Variants in GOLGA3 observed in about 807,000 individuals in gnomAD.
The protein encoded by GOLGA3 is golgin A3.
GOLGA3 carries 75 observed loss-of-function variants against 169.4 expected under a neutral mutation model. That is an observed-to-expected ratio of 0.44 (90% confidence interval 0.37 to 0.54). The LOEUF is 0.54. Among genes scored for constraint, GOLGA3 ranks in the 20% least tolerant of loss-of-function variants. GOLGA3 has a pLI of 0.00. For missense variants in GOLGA3, 1,899 were observed against 1,930.0 expected (o/e 0.98, Z 0.30); for synonymous variants, 824 against 822.4 (o/e 1.00, Z -0.03).
intron 3 of GOLGA3, among the ~76,000 whole-genome samples, chr12:132,814,365 G>A (rs1949862914): frequency 6.6e-6 from 1 of 152,200 alleles, no homozygotes; most frequent in African/African-American, 2.4e-5. Context: ...GTTCAAAGCT[G>A]GAGCCGTGCC....
At chr12:132,774,798 G>A (rs1369038244) in intron 22 of GOLGA3, 21 of 467,878 alleles carry the variant, frequency 4.5e-5, no homozygotes, top group African/African-American at 1.0e-4. Context: ...GATGTGGACC[G>A]AGCACAGAAA....
chr12:132,772,991 G>A lies in GOLGA3; in HGVS notation c.*114C>T. The A allele has an allele frequency of 1.3e-6, 1 of 777,918 alleles. No individual in the cohort carries two copies. Among genetic ancestry groups the A allele is most frequent in the Non-Finnish European group, 2.0e-6 (1 of 501,076 alleles). The allele number at this position is 777,918 out of a possible 1,614,324, so 48.2% of individuals were successfully genotyped here. ...GCTATATATTTTACTTCTTGTTAAAGGCAAAACAAAACTTAAATTTCATGT... is the reference window on the plus strand; with the variant it reads ...GCTATATATTTTACTTCTTGTTAAAAGCAAAACAAAACTTAAATTTCATGT... On this transcript the variant is annotated 3_prime_UTR_variant, in exon 24 of 24. Coordinates refer to ENST00000450791, the MANE Select transcript of GOLGA3 (RefSeq NM_001389683.1).
chr12:132,819,611 A>G (rs2136749667), intron 2 of GOLGA3, among the ~76,000 whole-genome samples: 1 of 152,384 alleles, frequency 6.6e-6, no homozygotes, highest in South Asian at 2.1e-4. Context: ...CCGAAAGAAA[A>G]ACCAGAATAA....
intron 17 of GOLGA3, among the ~76,000 whole-genome samples, chr12:132,782,078 CCT>C (rs1026114980): frequency 6.6e-5 from 10 of 152,200 alleles, no homozygotes; most frequent in Admixed American, 1.3e-4. Flanking sequence ...CACCCAGACC[CCT>C]GAGCCTGTTC....
At chr12:132,791,913 GAA>G (rs1438596357) in intron 11 of GOLGA3, among the ~76,000 whole-genome samples, 2 of 136,216 alleles carry the variant, frequency 1.5e-5, no homozygotes, top group East Asian at 2.1e-4. Flanking sequence ...AGGGCTCCAG[GAA>G]AGGACACATC....
Position 132,804,041 on chromosome 12 carries a change from C to A in GOLGA3, c.1597+675G>T, listed in dbSNP as rs1022337957. On this transcript the variant is annotated intron_variant, in intron 7 of 23. Transcript: ENST00000450791. The surrounding 1 kb of genome is among the most constrained non-coding windows in gnomAD (Gnocchi z 4.1). ...GTGTGAGCTCTGGGACTGGCCCGGG[C>A]GGGGACTGAGGGGGTGGAAGGCGTG... is the stretch of plus-strand genomic sequence containing the variant. Among the ~76,000 whole-genome samples, 1 of 152,152 alleles carries A rather than the reference C, an allele frequency of 6.6e-6. No homozygotes were observed. The highest frequency in any genetic ancestry group is 1.5e-5 in the Non-Finnish European group (1 of 68,036).
At chr12:132,775,876 A>T (rs1397831435) in intron 21 of GOLGA3, among the ~76,000 whole-genome samples, 1 of 152,240 alleles carries the variant, frequency 6.6e-6, no homozygotes, top group East Asian at 1.9e-4. Context: ...GTTTATCGCA[A>T]ATTGGCAAAC....
rs543210415 is a variant in GOLGA3, at chr12:132,796,024, T to A, written c.2297A>T (p.Asp766Val). The A allele has an allele frequency of 1.2e-5, 19 of 1,612,972 alleles. No individual in the cohort carries two copies. In the South Asian group the frequency reaches 2.1e-4, roughly 18 times the overall value. The stretch of plus-strand genomic sequence containing the variant: ...CTCGTTCTGCAGGAGGCAGATCGTG[T>A]CCTCCCTGGAGGCGGCCTCGCCCTG... The part of the protein sequence containing the change: ...ELQGEAASRE[D>V]TICLLQNEKI... The change falls in exon 11 of 24, where the codon GAC (aspartate) becomes GTC (valine). Residue 766 changes from aspartate to valine, a missense_variant. By Grantham distance (152) the Asp-to-Val change is radical (BLOSUM62 -3). Transcript: ENST00000450791.
chr12:132,789,260 T>C lies in GOLGA3; in HGVS notation c.2578A>G (p.Thr860Ala), dbSNP rs899420523. Reference protein sequence around the residue: ...VMVEAYRRDATSKDQLISELK... With the variant: ...VMVEAYRRDAASKDQLISELK... ...TCACTGATGAGCTGGTCTTTGGAGG[T>C]GGCGTCGCGCCGGTAGGCCTCCACC... Residue 860 changes from threonine to alanine, a missense_variant, in exon 13 of 24, where the codon ACC becomes GCC. Coordinates refer to ENST00000450791, the MANE Select transcript of GOLGA3 (RefSeq NM_001389683.1). 6.2e-7 allele frequency: 1 copy of C among 1,603,354 alleles called. No individual in the cohort carries two copies. The highest frequency in any genetic ancestry group is 8.5e-7 in the Non-Finnish European group (1 of 1,178,890).
chr12:132,804,101 G>A lies in GOLGA3; in HGVS notation c.1597+615C>T, dbSNP rs1225490206. ...CACATGGAAGCCCGCCGCGGCTTCC[G>A]CAATCCACTGCCCTACTTGTACTCT... On this transcript the variant is annotated intron_variant, in intron 7 of 23. Transcript: ENST00000450791. This position sits in a 1 kb window ranked among gnomAD's most constrained non-coding sequence, Gnocchi z 4.1. Among the ~76,000 whole-genome samples, 3 of 152,164 alleles carry A rather than the reference G, an allele frequency of 2.0e-5. No homozygotes were observed. The highest frequency in any genetic ancestry group is 7.2e-5 in the African/African-American group (3 of 41,446).
At chr12:132,807,372 C>T (rs1297288982) in intron 5 of GOLGA3, 84 bp from the exon 6 acceptor site, 6 of 696,550 alleles carry the variant, frequency 8.6e-6, no homozygotes. Context: ...ATTCCACACA[C>T]CCCTGCTGCT....
Position 132,808,022 on chromosome 12 carries a change from C to A in GOLGA3, c.1047G>T (p.Glu349Asp), listed in dbSNP as rs1292129599. 6.2e-7 allele frequency: 1 copy of A among 1,610,154 alleles called. No individual in the cohort carries two copies. Among genetic ancestry groups the A allele is most frequent in the Non-Finnish European group, 8.5e-7 (1 of 1,178,066 alleles). Residue 349 changes from glutamate (E) to aspartate (D), a missense_variant, in exon 5 of 24, where the codon GAG becomes GAT. By Grantham distance (45) the Glu-to-Asp change is conservative (BLOSUM62 2). Transcript: ENST00000450791. ...QDTPYMVNGQEIPADTLGQFP... is the reference protein window; with the variant it reads ...QDTPYMVNGQDIPADTLGQFP... ...ACTGGCCCAGGGTATCCGCAGGAAT[C>A]TCCTGGCCGTTGACCATATAGGGGG...
chr12:132,774,773 C>G (rs1425366328), intron 22 of GOLGA3: 5 of 447,508 alleles, frequency 1.1e-5, no homozygotes, highest in Non-Finnish European at 2.0e-5. Flanking sequence ...TCCCACCTGC[C>G]TCCTGGAAAA....
At chr12:132,783,661 C>T (rs1028606312) in intron 16 of GOLGA3, among the ~76,000 whole-genome samples, 1 of 152,222 alleles carries the variant, frequency 6.6e-6, no homozygotes, top group Non-Finnish European at 1.5e-5. Context: ...TCACTGCAAC[C>T]TCCGCTCCTG....
chr12:132,798,726 C>T (rs981530065), intron 8 of GOLGA3, among the ~76,000 whole-genome samples: 1 of 152,204 alleles, frequency 6.6e-6, no homozygotes, highest in African/African-American at 2.4e-5. Context: ...CATCAGACTG[C>T]GGTTTGTAGC....
chr12:132,808,086 G>A lies in GOLGA3; in HGVS notation c.983C>T (p.Thr328Ile). Residue 328 changes from threonine (T) to isoleucine (I), a missense_variant, in exon 5 of 24, where the codon ACC (threonine) becomes ATC (isoleucine). By Grantham distance (89) the Thr-to-Ile change is moderately conservative. Coordinates refer to ENST00000450791, the MANE Select transcript of GOLGA3 (RefSeq NM_001389683.1). ...CACTGTCTTCGACAGAATGCCATAG[G>A]TCCCTCGGGTGGAGGCGCTGCTGTA... Reference protein sequence around the residue: ...SSYSSASTRGTYGILSKTVGT... With the variant: ...SSYSSASTRGIYGILSKTVGT... 5 of 1,597,270 alleles carry A rather than the reference G, an allele frequency of 3.1e-6. No individual in the cohort carries two copies. Among genetic ancestry groups the A allele is most frequent in the Non-Finnish European group, 4.3e-6 (5 of 1,170,240 alleles).
At chr12:132,813,968 C>A (rs185975810) in intron 3 of GOLGA3, among the ~76,000 whole-genome samples, 3 of 151,756 alleles carry the variant, frequency 2.0e-5, no homozygotes, top group Non-Finnish European at 4.4e-5. Context: ...TCATGATCCA[C>A]CCGCCTCGGC....
rs1344865060 is a variant in GOLGA3 at position 132,784,248 on chromosome 12, C to G, written c.3183G>C (p.Leu1061=). The G allele has an allele frequency of 1.9e-6, 3 of 1,611,100 alleles. No individual in the cohort carries two copies. Among genetic ancestry groups the G allele is most frequent in the Non-Finnish European group, 2.5e-6 (3 of 1,180,022 alleles). The change falls in exon 16 of 24, where the codon CTG becomes CTC. Residue 1061 remains leucine, a synonymous_variant. Transcript: ENST00000450791. ...CTATGACCTCCTGCAGTTCCTTTTC[C>G]AGCAGCGTCTTGCTATGACTGACAG... The part of the protein sequence containing the change: ...LQAVSHSKTL[L]EKELQEVIAL...
chr12:132,815,502 A>G (rs546695025), intron 3 of GOLGA3, among the ~76,000 whole-genome samples: 1 of 152,368 alleles, frequency 6.6e-6, no homozygotes, highest in African/African-American at 2.4e-5. Flanking sequence ...GCTGGCAGTG[A>G]GTTTTCAGAA....
Sources: allele counts gnomAD v4.1 joint callset (sites outside exome capture counted in the v4.1 genomes callset), GRCh38; gene constraint gnomAD v4.1.1; non-coding constraint Gnocchi (gnomAD v3.1); transcripts MANE v1.5; gene names NCBI Gene and HGNC (gene_info 2026-07-23, HGNC 2026-07-21).